The following HTR4 variants were observed in gnomAD, a reference collection of about 807,000 sequenced individuals.
HTR4 encodes 5-hydroxytryptamine (serotonin) receptor 4, G protein-coupled.
In HTR4, 16 loss-of-function variants were observed where a neutral mutation model predicts 36.8. The observed-to-expected ratio is 0.43, with a 90% CI of 0.29 to 0.66. The LOEUF is 0.66. HTR4 is among the 30% of genes least tolerant of loss of function. The pLI, the probability that HTR4 is intolerant of heterozygous loss-of-function variation, is 0.13. For missense variants in HTR4, 438 were observed against 490.9 expected, an observed-to-expected ratio of 0.89 and a Z score of 1.02; for synonymous variants, 189 against 185.1, an observed-to-expected ratio of 1.02 and a Z score of -0.17.
chr5:148,503,065 T>C (rs1757012913), intron 6 of HTR4, among the ~76,000 whole-genome samples: 2 of 152,136 alleles, frequency 1.3e-5, no homozygotes, highest in South Asian at 4.1e-4. Context: ...TGGAAAACAC[T>C]CTGCAGGATA....
At chr5:148,630,447 A>G (rs191326696) in intron 2 of HTR4, 1 of 152,290 alleles carries the variant, frequency 6.6e-6, no homozygotes, top group East Asian at 1.9e-4. Context: ...ATAGGTATAG[A>G]AGACCAGTGG....
chr5:148,494,801 T>C (rs1036512282), intron 6 of HTR4, among the ~76,000 whole-genome samples: 1 of 152,232 alleles, frequency 6.6e-6, no homozygotes, highest in Admixed American at 6.5e-5. Flanking sequence ...ACTTGGAATA[T>C]AACTAGTGTG....
intron 2 of HTR4, among the ~76,000 whole-genome samples, chr5:148,563,364 A>T (rs1760299892): frequency 6.6e-6 from 1 of 152,172 alleles, no homozygotes; most frequent in South Asian, 2.1e-4. Flanking sequence ...TGCAGAGAGG[A>T]CTTATTTAAA....
chr5:148,530,381 C>T (rs866884640), intron 4 of HTR4, among the ~76,000 whole-genome samples: 13 of 152,120 alleles, frequency 8.5e-5, no homozygotes, highest in African/African-American at 3.1e-4. Flanking sequence ...GAATTGGTGC[C>T]GTGTGTCCCA....
At chr5:148,564,645 A>G (rs188561279) in intron 2 of HTR4, among the ~76,000 whole-genome samples, 1 of 152,290 alleles carries the variant, frequency 6.6e-6, no homozygotes, top group Admixed American at 6.5e-5. Context: ...TGGGCCACCA[A>G]TCCTCGCTTT....
intron 2 of HTR4, among the ~76,000 whole-genome samples, chr5:148,558,683 A>C (rs1692329078): frequency 6.6e-6 from 1 of 152,148 alleles, no homozygotes; most frequent in South Asian, 2.1e-4. Flanking sequence ...GGTAAGGCTA[A>C]TTAGGTAGCA....
At position 148,595,808 on chromosome 5, in the gene HTR4, A is replaced by C. The variant is rs572354953; in HGVS notation, c.26+41181T>G. ...AATTTAAATGATATAAATTATAAAA[A>C]TGATGCAACCCATTTATAAGGACAA... On this transcript the variant is annotated intron_variant, in intron 2 of 6. Transcript: ENST00000377888. Among the ~76,000 whole-genome samples the C allele has an allele frequency of 1.4e-3, 211 of 152,362 alleles. 2 individuals carry two copies. The Middle Eastern group carries it at 0.017, about 12-fold the overall frequency.
chr5:148,455,932 G>C (rs927962727), intron 5 of HTR4, among the ~76,000 whole-genome samples: 1 of 152,070 alleles, frequency 6.6e-6, no homozygotes, highest in African/African-American at 2.4e-5. Flanking sequence ...AGGAGGAGGA[G>C]GATGAAGAGG....
intron 2 of HTR4, among the ~76,000 whole-genome samples, chr5:148,571,018 C>G (rs902405479): frequency 2.6e-5 from 4 of 151,920 alleles, no homozygotes; most frequent in African/African-American, 9.7e-5. Context: ...GGGAGCACAA[C>G]ACAAATCTAG....
At chr5:148,648,108 G>A (rs1320444285) in intron 1 of HTR4, among the ~76,000 whole-genome samples, 1 of 152,166 alleles carries the variant, frequency 6.6e-6, no homozygotes, top group Non-Finnish European at 1.5e-5. Context: ...GTGACTATAC[G>A]AGTGTTCACT....
At chr5:148,493,934 G>A (rs911163017) in intron 6 of HTR4, among the ~76,000 whole-genome samples, 3 of 152,142 alleles carry the variant, frequency 2.0e-5, no homozygotes, top group South Asian at 2.1e-4. Context: ...AAGGCCATAA[G>A]ATGGCTTTTA....
chr5:148,592,755 GA>G (rs1452196228), intron 2 of HTR4, among the ~76,000 whole-genome samples: 1 of 151,654 alleles, frequency 6.6e-6, no homozygotes, highest in Non-Finnish European at 1.5e-5. Context: ...TGTCTCATAC[GA>G]AATATAAACT....
intron 5 of HTR4, among the ~76,000 whole-genome samples, chr5:148,452,318 A>G (rs533737318): frequency 5.3e-5 from 8 of 152,288 alleles, no homozygotes; most frequent in South Asian, 4.1e-4. Context: ...GACACATCCA[A>G]TCAAACCCAC....
intron 2 of HTR4, among the ~76,000 whole-genome samples, chr5:148,635,462 C>T (rs1753500016): frequency 6.6e-6 from 1 of 152,078 alleles, no homozygotes; most frequent in East Asian, 1.9e-4. Context: ...GGCGTGATAT[C>T]ATCTTGTATC....
At chr5:148,601,420 A>G (rs1299723851) in intron 2 of HTR4, among the ~76,000 whole-genome samples, 1 of 152,234 alleles carries the variant, frequency 6.6e-6, no homozygotes, top group Non-Finnish European at 1.5e-5. Context: ...CATAATAGCC[A>G]AGATGGAAAA....
intron 5 of HTR4, among the ~76,000 whole-genome samples, chr5:148,456,162 C>T (rs1286397864): frequency 6.6e-6 from 1 of 152,162 alleles, no homozygotes; most frequent in African/African-American, 2.4e-5. Context: ...CAACTGGAGT[C>T]TGGCTTATAA....
intron 5 of HTR4, among the ~76,000 whole-genome samples, chr5:148,461,722 T>A (rs1755282793): frequency 6.6e-6 from 1 of 152,060 alleles, no homozygotes; most frequent in Admixed American, 6.5e-5. Flanking sequence ...AGGCAGAAAA[T>A]TAGTTAAGGG....
intron 6 of HTR4, among the ~76,000 whole-genome samples, chr5:148,483,500 C>T (rs1226844538): frequency 6.6e-6 from 1 of 152,182 alleles, no homozygotes; most frequent in Non-Finnish European, 1.5e-5. Flanking sequence ...TAATGTTCAG[C>T]CAAAATCGGT....
At chr5:148,616,403 T>C (rs1301005829) in intron 2 of HTR4, among the ~76,000 whole-genome samples, 1 of 152,200 alleles carries the variant, frequency 6.6e-6, no homozygotes, top group Non-Finnish European at 1.5e-5. Flanking sequence ...TTTTAACATC[T>C]TCCCTCCTGA....
Sources: allele counts gnomAD v4.1 joint callset (sites outside exome capture counted in the v4.1 genomes callset), GRCh38; gene constraint gnomAD v4.1.1; transcripts MANE v1.5; gene names NCBI Gene and HGNC (gene_info 2026-07-23, HGNC 2026-07-21).